PPFIA2: variants seen among roughly 807,000 people sequenced by gnomAD.
PPFIA2 encodes the protein PPFI scaffold protein A2, also known as liprin-alpha-2.
PPFIA2 carries 46 observed loss-of-function variants against 175.5 expected under a neutral mutation model. The observed-to-expected ratio is 0.26, with a 90% CI of 0.21 to 0.34. The LOEUF (loss-of-function observed/expected upper bound fraction) is 0.34, where lower values mean the gene tolerates loss of function less well. PPFIA2 is among the 10% of genes least tolerant of loss of function. The pLI is 1.00. For missense variants in PPFIA2, 1,179 were observed against 1,506.1 expected, an observed-to-expected ratio of 0.78 and a Z score of 3.60; for synonymous variants, 568 against 511.4, an observed-to-expected ratio of 1.11 and a Z score of -1.49.
intron 16 of PPFIA2, among the ~76,000 whole-genome samples, chr12:81,354,807 C>T (rs539448022): frequency 1.3e-5 from 2 of 152,174 alleles, no homozygotes; most frequent in Non-Finnish European, 2.9e-5. Flanking sequence ...CCACACCCAG[C>T]TAATTTTTGT....
chr12:81,318,729 T>G (rs2139487118), intron 22 of PPFIA2, among the ~76,000 whole-genome samples: 1 of 151,828 alleles, frequency 6.6e-6, no homozygotes, highest in East Asian at 1.9e-4. Context: ...GAGAATGTCT[T>G]GTAAATAAGA....
At chr12:81,496,257 C>T (rs774351346) in intron 4 of PPFIA2, among the ~76,000 whole-genome samples, 1 of 152,118 alleles carries the variant, frequency 6.6e-6, no homozygotes, top group Non-Finnish European at 1.5e-5. Context: ...AGGAAAGGAG[C>T]TCTTAGAAGT....
intron 4 of PPFIA2, among the ~76,000 whole-genome samples, chr12:81,474,710 G>A: frequency 6.6e-6 from 1 of 152,104 alleles, no homozygotes; most frequent in East Asian, 1.9e-4. Context: ...CTTTTTGACT[G>A]TATTCTTTAA....
In PPFIA2 at chr12:81,483,459, A is replaced by G. The variant is rs549944838; in HGVS notation, c.304-25593T>C. Reference sequence around the variant, plus strand: ...CATATTGTAAAATTTCAGTTACAGTATATGAAATGTCCAGAACAGCAAATC... The same window carrying G: ...CATATTGTAAAATTTCAGTTACAGTGTATGAAATGTCCAGAACAGCAAATC... On this transcript the variant is annotated intron_variant, in intron 4 of 32. Transcript: ENST00000549396. Among the ~76,000 whole-genome samples, 10 of 152,250 alleles carry G rather than the reference A, an allele frequency of 6.6e-5. No homozygotes were observed. In the South Asian group the frequency reaches 8.3e-4, roughly 13 times the overall value.
At chr12:81,408,833 A>G (rs1434070641) in intron 7 of PPFIA2, among the ~76,000 whole-genome samples, 2 of 152,232 alleles carry the variant, frequency 1.3e-5, no homozygotes, top group Non-Finnish European at 2.9e-5. Context: ...GACATATTCT[A>G]TATTCTCTAC....
chr12:81,547,906 AC>A (rs774897964), intron 4 of PPFIA2, among the ~76,000 whole-genome samples: 26 of 152,330 alleles, frequency 1.7e-4, no homozygotes, highest in Non-Finnish European at 3.2e-4. Flanking sequence ...TCAAATACTT[AC>A]TTTCCTTTAA....
chr12:81,659,448 T>G (rs1471558147), intron 4 of PPFIA2, among the ~76,000 whole-genome samples: 1 of 152,200 alleles, frequency 6.6e-6, no homozygotes, highest in Admixed American at 6.5e-5. Flanking sequence ...CATGGAGCCT[T>G]GCTCATTGCT....
intron 28 of PPFIA2, among the ~76,000 whole-genome samples, chr12:81,268,365 C>T (rs113314493): frequency 0.11 from 16,697 of 151,562 alleles, 1,183 homozygotes; most frequent in Admixed American, 0.18. Flanking sequence ...GTCTCGATCT[C>T]CTGACCTCGT....
chr12:81,445,479 G>A, intron 6 of PPFIA2, 77 bp downstream of exon 6: 1 of 1,396,432 alleles, frequency 7.2e-7, no homozygotes, highest in South Asian at 1.4e-5. Flanking sequence ...AGTCAGGTGA[G>A]TCAATGGATG....
intron 17 of PPFIA2, among the ~76,000 whole-genome samples, chr12:81,351,788 C>T (rs1343052454): frequency 6.6e-6 from 1 of 150,826 alleles, no homozygotes; most frequent in East Asian, 2.0e-4. Context: ...GCCTATAGTC[C>T]CAGCTACTTG....
intron 4 of PPFIA2, among the ~76,000 whole-genome samples, chr12:81,488,372 A>G (rs1463005839): frequency 6.6e-6 from 1 of 151,614 alleles, no homozygotes; most frequent in Non-Finnish European, 1.5e-5. Context: ...CAAGGATCAT[A>G]TCCTATGCCT....
chr12:81,368,204 A>G (rs2034087374), intron 13 of PPFIA2: 1 of 1,230,762 alleles, frequency 8.1e-7, no homozygotes, highest in Non-Finnish European at 1.1e-6. Context: ...ATCACATTGC[A>G]GACTGTACAG....
intron 7 of PPFIA2, among the ~76,000 whole-genome samples, chr12:81,429,664 T>C (rs1256917922): frequency 6.6e-6 from 1 of 152,088 alleles, no homozygotes. Flanking sequence ...GGAAAAGTTA[T>C]AACACTGATT....
At chr12:81,581,684 G>GA (rs61018458) in intron 4 of PPFIA2, among the ~76,000 whole-genome samples, 5,454 of 151,592 alleles carry the variant, frequency 0.036, 335 homozygotes, top group African/African-American at 0.13. Flanking sequence ...AACTAGAATA[G>GA]AACTTTGTAC....
chr12:81,562,148 GTC>G (rs1305795284), intron 4 of PPFIA2, among the ~76,000 whole-genome samples: 2 of 152,092 alleles, frequency 1.3e-5, no homozygotes, highest in Non-Finnish European at 2.9e-5. Flanking sequence ...GTAACAGATT[GTC>G]TGTTGCTAAG....
At chr12:81,484,199 C>A (rs2058567276) in intron 4 of PPFIA2, among the ~76,000 whole-genome samples, 2 of 151,784 alleles carry the variant, frequency 1.3e-5, no homozygotes, top group South Asian at 2.1e-4. Flanking sequence ...GAATAGAAGT[C>A]AAAAACTCTT....
intron 3 of PPFIA2, among the ~76,000 whole-genome samples, chr12:81,699,246 G>C (rs1226189470): frequency 6.6e-6 from 1 of 151,934 alleles, no homozygotes; most frequent in Non-Finnish European, 1.5e-5. Flanking sequence ...AAATTGATTT[G>C]TTTCTATAGG....
chr12:81,670,492 T>C (rs1480518946), intron 4 of PPFIA2, among the ~76,000 whole-genome samples: 2 of 151,924 alleles, frequency 1.3e-5, no homozygotes, highest in South Asian at 4.1e-4. Flanking sequence ...TCTGAAATGC[T>C]TAAACCAAGC....
chr12:81,530,606 T>A (rs1180452585), intron 4 of PPFIA2, among the ~76,000 whole-genome samples: 3 of 151,874 alleles, frequency 2.0e-5, no homozygotes, highest in Non-Finnish European at 4.4e-5. Context: ...CCACTCGGAA[T>A]GTCCACAGCT....
Sources: gnomAD v4.1 joint callset for allele counts (sites outside exome capture counted in the v4.1 genomes callset) on GRCh38, gnomAD v4.1.1 for gene constraint, MANE v1.5 for transcripts, NCBI Gene and HGNC (gene_info 2026-07-23, HGNC 2026-07-21) for gene names.